Variants in SDR42E1 observed in about 807,000 individuals in gnomAD.
SDR42E1 encodes the protein short-chain dehydrogenase/reductase family 42E member 1.
Under a neutral mutation model 2.6 loss-of-function variants are expected in SDR42E1, and 5 were observed. The observed-to-expected ratio is 1.94, with a 90% CI of 1.01 to 4.08. The LOEUF (loss-of-function observed/expected upper bound fraction) is 4.08, where lower values mean the gene tolerates loss of function less well. Among genes scored for constraint, SDR42E1 ranks in the 30% most tolerant of loss-of-function variants. The pLI is 0.00. For synonymous variants in SDR42E1, 231 were observed against 188.3 expected, an observed-to-expected ratio of 1.23 and a Z score of -1.86; for missense variants, 596 against 478.6, an observed-to-expected ratio of 1.25 and a Z score of -2.29.
intron 1 of SDR42E1, among the ~76,000 whole-genome samples, chr16:82,010,871 A>C (rs1913103369): frequency 6.6e-6 from 1 of 152,210 alleles, no homozygotes; most frequent in Non-Finnish European, 1.5e-5. Context: ...TCAGATTTTC[A>C]GGGCTCACTC....
chr16:81,999,820 A>G lies in SDR42E1; in HGVS notation c.473T>C (p.Ile158Thr), dbSNP rs373873138. The G allele has an allele frequency of 3.7e-6, 6 of 1,614,058 alleles. No homozygotes were observed. The highest frequency in any genetic ancestry group is 2.7e-5 in the African/African-American group (2 of 74,910). Residue 158 changes from isoleucine (I) to threonine (T), a missense_variant, in exon 3 of 3, where the codon ATT (isoleucine) becomes ACT (threonine). Ile to Thr is a moderately conservative substitution (Grantham distance 89). Coordinates refer to ENST00000328945, the MANE Select transcript of SDR42E1 (RefSeq NM_145168.3). ...HPDHYSRTKS[I>T]AEQKVLEANA... ...CGCCTCCAGCACCTTCTGCTCTGCAATTGACTTTGTCCGAGAGTAGTGATC... is the reference window on the plus strand; with the variant it reads ...CGCCTCCAGCACCTTCTGCTCTGCAGTTGACTTTGTCCGAGAGTAGTGATC...
At chr16:82,005,148 A>G (rs1912893220) in intron 1 of SDR42E1, among the ~76,000 whole-genome samples, 1 of 152,216 alleles carries the variant, frequency 6.6e-6, no homozygotes, top group South Asian at 2.1e-4. Context: ...AAAATTACAC[A>G]TTCCAGTCCA....
intron 1 of SDR42E1, among the ~76,000 whole-genome samples, chr16:82,001,807 C>T (rs1180130409): frequency 6.6e-6 from 1 of 150,384 alleles, no homozygotes; most frequent in Non-Finnish European, 1.5e-5. Context: ...GAGGCTGAGG[C>T]AGGAGAATGG....
chr16:82,010,786 C>T (rs934878468), intron 1 of SDR42E1, among the ~76,000 whole-genome samples: 5 of 152,178 alleles, frequency 3.3e-5, no homozygotes, highest in African/African-American at 4.8e-5. Flanking sequence ...ATCGTCAGGA[C>T]CGCCTGAGGC....
rs1912625836 is a variant in SDR42E1 at position 81,998,914 on chromosome 16, C to T, written c.*197G>A. On this transcript the variant is annotated 3_prime_UTR_variant, in exon 3 of 3. Transcript: ENST00000328945. Reference sequence around the variant, plus strand: ...ATAACAAATCAAATTTCAAACTAATCTCTGCTTCTGCTTTTTCATTCCCAT... The same window carrying T: ...ATAACAAATCAAATTTCAAACTAATTTCTGCTTCTGCTTTTTCATTCCCAT... 3.2e-6 allele frequency: 2 copies of T among 620,298 alleles called. No homozygotes were observed. The highest frequency in any genetic ancestry group is 5.5e-6 in the Non-Finnish European group (2 of 365,712). 38.4% of individuals were successfully genotyped at this position (620,298 alleles called of 1,614,324 possible). A position where few individuals can be genotyped will look rare whatever the true frequency, so the allele number is the denominator to read the frequency against.
At chr16:82,011,320 G>A (rs16956212) in intron 1 of SDR42E1, 67 bp downstream of exon 1, 6,869 of 152,410 alleles carry the variant, frequency 0.045, 499 homozygotes, top group African/African-American at 0.15. Context: ...TCGCGTTCCA[G>A]GCCGAGGCGG....
intron 1 of SDR42E1, among the ~76,000 whole-genome samples, chr16:82,002,739 A>G (rs1912809508): frequency 6.6e-6 from 1 of 152,216 alleles, no homozygotes; most frequent in Non-Finnish European, 1.5e-5. Context: ...CTGTGTGTTT[A>G]CCACATGTGT....
In SDR42E1 at chr16:81,991,933, C is replaced by G. The variant is rs1425901684; in HGVS notation, c.*7178G>C. On this transcript the variant is annotated 3_prime_UTR_variant, in exon 3 of 3. Coordinates refer to ENST00000328945, the MANE Select transcript of SDR42E1 (RefSeq NM_145168.3). ...GAAATAAAGAAAGCCTCAGGTGGAT[C>G]ACCTGAAGTCAGGAGTTTGAGACCA... 2 of 152,088 alleles carry G rather than the reference C, an allele frequency of 1.3e-5. No individual in the cohort carries two copies. Among genetic ancestry groups the G allele is most frequent in the Non-Finnish European group, 2.9e-5 (2 of 68,030 alleles). 9.4% of individuals were successfully genotyped at this position (152,088 alleles called of 1,614,324 possible).
rs368068593 is a variant in SDR42E1, at chr16:82,009,060, A to T, written c.-27+2327T>A. On this transcript the variant is annotated intron_variant, in intron 1 of 2. Transcript: ENST00000328945. ...GCCTTGGAAACTTCCATGCGGTGTT[A>T]AGCCTGTGGGTACACAGAAGTCAAG... Among the ~76,000 whole-genome samples, 26 of 152,166 alleles carry T rather than the reference A, an allele frequency of 1.7e-4. No individual in the cohort carries two copies. In the East Asian group the frequency reaches 3.3e-3, roughly 19 times the overall value.
In SDR42E1 at chr16:81,999,819, A is replaced by T; in HGVS notation, c.474T>A (p.Ile158=). 6.2e-6 allele frequency: 10 copies of T among 1,614,216 alleles called. No individual in the cohort carries two copies. Among genetic ancestry groups the T allele is most frequent in the Non-Finnish European group, 8.5e-6 (10 of 1,180,028 alleles). ...HPDHYSRTKS[I]AEQKVLEANA... is the part of the protein sequence containing the mutation. ...TCGCCTCCAGCACCTTCTGCTCTGCAATTGACTTTGTCCGAGAGTAGTGAT... is the reference window on the plus strand; with the variant it reads ...TCGCCTCCAGCACCTTCTGCTCTGCTATTGACTTTGTCCGAGAGTAGTGAT... Residue 158 remains isoleucine, a synonymous_variant, in exon 3 of 3, where the codon ATT becomes ATA. Transcript: ENST00000328945.
intron 1 of SDR42E1, among the ~76,000 whole-genome samples, chr16:82,001,914 A>C (rs2143853734): frequency 6.6e-6 from 1 of 151,580 alleles, no homozygotes; most frequent in Middle Eastern, 3.4e-3. Flanking sequence ...AAAAAAAAAA[A>C]AAAAACCACA....
intron 1 of SDR42E1, among the ~76,000 whole-genome samples, chr16:82,010,379 T>C (rs1417564081): frequency 2.0e-5 from 3 of 152,184 alleles, no homozygotes; most frequent in South Asian, 2.1e-4. Context: ...AACCACTACA[T>C]GTAATGCCGC....
Position 81,989,049 on chromosome 16 carries a change from A to G in SDR42E1, c.*10062T>C, listed in dbSNP as rs947304147. ...CTTCATATAACTATGTGTCTTATATATAGGGTGATCGTACAATTTATTATA... is the reference window on the plus strand; with the variant it reads ...CTTCATATAACTATGTGTCTTATATGTAGGGTGATCGTACAATTTATTATA... On this transcript the variant is annotated 3_prime_UTR_variant, in exon 3 of 3. Transcript: ENST00000328945. 5.9e-5 allele frequency: 9 copies of G among 152,172 alleles called. No homozygotes were observed. Among genetic ancestry groups the G allele is most frequent in the African/African-American group, 2.2e-4 (9 of 41,442 alleles). 9.4% of individuals were successfully genotyped at this position (152,172 alleles called of 1,614,324 possible). A position where few individuals can be genotyped will look rare whatever the true frequency, so the allele number is the denominator to read the frequency against.
intron 1 of SDR42E1, among the ~76,000 whole-genome samples, chr16:82,005,234 T>C (rs1241405566): frequency 6.6e-6 from 1 of 152,240 alleles, no homozygotes; most frequent in Non-Finnish European, 1.5e-5. Flanking sequence ...GGATTATTAA[T>C]GCTTCAGAAA....
Position 81,989,849 on chromosome 16 carries a change from T to C in SDR42E1, c.*9262A>G, listed in dbSNP as rs1912387631. On this transcript the variant is annotated 3_prime_UTR_variant, in exon 3 of 3. Transcript: ENST00000328945. ...CCCATCTCTACTAAAAATACAAAAA[T>C]TAGCTGAGCGTGGTGGCGGGCACCT... 6.6e-6 allele frequency: 1 copy of C among 152,012 alleles called. No homozygotes were observed. Among genetic ancestry groups the C allele is most frequent in the Non-Finnish European group, 1.5e-5 (1 of 68,040 alleles). The allele number at this position is 152,012 out of a possible 1,614,324, so 9.4% of individuals were successfully genotyped here. A position where few individuals can be genotyped will look rare whatever the true frequency, so the allele number is the denominator to read the frequency against.
chr16:81,998,897 T>C lies in SDR42E1; in HGVS notation c.*214A>G. The C allele has an allele frequency of 1.7e-6, 1 of 595,718 alleles. No homozygotes were observed. 36.9% of individuals were successfully genotyped at this position (595,718 alleles called of 1,614,324 possible). ...ACCTAAAACAGAAGCACATAACAAA[T>C]CAAATTTCAAACTAATCTCTGCTTC... On this transcript the variant is annotated 3_prime_UTR_variant, in exon 3 of 3. Coordinates refer to ENST00000328945, the MANE Select transcript of SDR42E1 (RefSeq NM_145168.3).
At chr16:82,004,223 T>G (rs146252790) in intron 1 of SDR42E1, among the ~76,000 whole-genome samples, 1 of 152,300 alleles carries the variant, frequency 6.6e-6, no homozygotes, top group Non-Finnish European at 1.5e-5. Flanking sequence ...AGACTGATTC[T>G]GACAGGGCAC....
Position 81,995,235 on chromosome 16 carries a change from G to A in SDR42E1, c.*3876C>T, listed in dbSNP as rs1487519481. The A allele has an allele frequency of 1.3e-5, 2 of 152,348 alleles. No individual in the cohort carries two copies. The highest frequency in any genetic ancestry group is 1.5e-5 in the Non-Finnish European group (1 of 68,090). 9.4% of individuals were successfully genotyped at this position (152,348 alleles called of 1,614,324 possible). On this transcript the variant is annotated 3_prime_UTR_variant, in exon 3 of 3. Transcript: ENST00000328945. ...GCCATGGGTGAGGTAGCAGTGCTGG[G>A]TGGCTTCTGCCCAGACCTCTGAGAG... is the stretch of plus-strand genomic sequence containing the variant.
chr16:81,990,279 G>A lies in SDR42E1; in HGVS notation c.*8832C>T, dbSNP rs73598786. The A allele has an allele frequency of 6.6e-6, 1 of 152,096 alleles. No individual in the cohort carries two copies. The highest frequency in any genetic ancestry group is 2.1e-4 in the South Asian group (1 of 4,828). 9.4% of individuals were successfully genotyped at this position (152,096 alleles called of 1,614,324 possible). A position where few individuals can be genotyped will look rare whatever the true frequency, so the allele number is the denominator to read the frequency against. ...CACAGTGCTACACTTCAGCCTGGTCGACAGAGTGACACCATGTCTCAAAAG... is the reference window on the plus strand; with the variant it reads ...CACAGTGCTACACTTCAGCCTGGTCAACAGAGTGACACCATGTCTCAAAAG... On this transcript the variant is annotated 3_prime_UTR_variant, in exon 3 of 3. Transcript: ENST00000328945.
Sources: gnomAD v4.1 joint callset for allele counts (sites outside exome capture counted in the v4.1 genomes callset) on GRCh38, gnomAD v4.1.1 for gene constraint, MANE v1.5 for transcripts, NCBI Gene and HGNC (gene_info 2026-07-23, HGNC 2026-07-21) for gene names.